Variants in SPTBN1 observed in about 807,000 individuals in gnomAD.
SPTBN1 encodes spectrin beta, non-erythrocytic 1, also known as spectrin beta chain, non-erythrocytic 1.
SPTBN1 carries 32 observed loss-of-function variants against 266.4 expected under a neutral mutation model. That is an observed-to-expected ratio of 0.12 (90% CI 0.09 to 0.16). The LOEUF (loss-of-function observed/expected upper bound fraction) is 0.16, where lower values mean the gene tolerates loss of function less well. Ranked by LOEUF, SPTBN1 falls within the 10% of genes least tolerant of loss-of-function variation. The probability of loss-of-function intolerance (pLI) is 1.00; values close to 1 mark genes in which losing one functional copy is unlikely to be tolerated. For synonymous variants in SPTBN1, 1,336 were observed against 1,162.2 expected, an observed-to-expected ratio of 1.15 and a Z score of -3.04; for missense variants, 2,296 against 3,067.1, an observed-to-expected ratio of 0.75 and a Z score of 5.94.
At chr2:54,492,423 G>C (rs1237916695) in intron 1 of SPTBN1, among the ~76,000 whole-genome samples, 1 of 135,972 alleles carries the variant, frequency 7.4e-6, no homozygotes, top group East Asian at 2.2e-4. Context: ...ATCTGAAGTT[G>C]CCTTTTCCCC....
chr2:54,656,976 T>C (rs1181712372), intron 29 of SPTBN1, among the ~76,000 whole-genome samples: 1 of 152,222 alleles, frequency 6.6e-6, no homozygotes, highest in Non-Finnish European at 1.5e-5. Flanking sequence ...TGTAGTCATG[T>C]TGGGGGCTAC....
intron 1 of SPTBN1, among the ~76,000 whole-genome samples, chr2:54,481,411 TG>T (rs1558763916): frequency 6.1e-5 from 8 of 131,632 alleles, no homozygotes; most frequent in South Asian, 2.3e-4. Flanking sequence ...TGTGTGTGTG[TG>T]TGTGTGTGTG....
At chr2:54,506,722 G>C (rs1379569880) in intron 1 of SPTBN1, among the ~76,000 whole-genome samples, 2 of 152,100 alleles carry the variant, frequency 1.3e-5, no homozygotes, top group East Asian at 3.8e-4. Flanking sequence ...TTTCAGGCAA[G>C]ATAGTCATTT....
chr2:54,509,377 A>G (rs965459770), intron 1 of SPTBN1, among the ~76,000 whole-genome samples: 1 of 152,210 alleles, frequency 6.6e-6, no homozygotes. Flanking sequence ...AGCAGAAAGT[A>G]TATGCATCAG....
intron 33 of SPTBN1, 127 bp from the exon 34 acceptor site, chr2:54,665,788 T>C (rs1681326551): frequency 1.8e-6 from 2 of 1,101,832 alleles, no homozygotes; most frequent in African/African-American, 3.2e-5. Flanking sequence ...ATAAGGAAGG[T>C]TGAGGGTTGG....
chr2:54,616,236 C>T lies in SPTBN1; in HGVS notation c.504C>T (p.Asp168=), dbSNP rs878991833. The T allele has an allele frequency of 1.1e-5, 18 of 1,613,924 alleles. No individual in the cohort carries two copies. Among genetic ancestry groups the T allele is most frequent in the Non-Finnish European group, 1.5e-5 (18 of 1,179,890 alleles). The change falls in exon 5 of 36, where the codon GAC becomes GAT. Residue 168 remains aspartate, a synonymous_variant. Transcript: ENST00000356805. ...QIQDISVETE[D]NKEKKSAKDA... ...AGGATATCAGTGTGGAAACTGAAGA[C>T]AACAAAGAGAAGAAATCTGCCAAGG...
At chr2:54,500,264 A>G (rs943229659) in intron 1 of SPTBN1, among the ~76,000 whole-genome samples, 5 of 152,252 alleles carry the variant, frequency 3.3e-5, no homozygotes, top group Non-Finnish European at 5.9e-5. Context: ...CTAAATCTCA[A>G]ATACAACAAA....
At chr2:54,594,520 G>T (rs1056699335) in intron 2 of SPTBN1, among the ~76,000 whole-genome samples, 3 of 152,188 alleles carry the variant, frequency 2.0e-5, no homozygotes, top group African/African-American at 4.8e-5. Context: ...TTTGGTTTCT[G>T]AGGGAGGTCC....
chr2:54,534,070 A>T (rs1170100899), intron 2 of SPTBN1, among the ~76,000 whole-genome samples: 1 of 152,194 alleles, frequency 6.6e-6, no homozygotes, highest in Admixed American at 6.5e-5. Flanking sequence ...GCAAAATTGA[A>T]GAGGCTAGGC....
intron 1 of SPTBN1, among the ~76,000 whole-genome samples, chr2:54,482,562 C>A (rs1249699387): frequency 6.6e-6 from 1 of 152,074 alleles, no homozygotes; most frequent in East Asian, 1.9e-4. Context: ...CCTGTGCTGT[C>A]CAGTAGGGAG....
Position 54,666,014 on chromosome 2 carries a change from C to T in SPTBN1, c.6759C>T (p.Val2253=), listed in dbSNP as rs199979880. ...CTGGAATTCCCTACCACAGCGAGGT[C>T]CCTGTGAGTTTGAAAGAAGCTGTCT... ...AASGIPYHSE[V]PVSLKEAVCE... is the part of the protein sequence containing the mutation. The change falls in exon 34 of 36, where the codon GTC becomes GTT. Residue 2253 remains valine (V), a synonymous_variant. Transcript: ENST00000356805. The T allele has an allele frequency of 1.2e-6, 2 of 1,614,050 alleles. No homozygotes were observed. The highest frequency in any genetic ancestry group is 2.2e-5 in the East Asian group (1 of 44,884).
intron 1 of SPTBN1, among the ~76,000 whole-genome samples, chr2:54,487,860 T>C (rs181047440): frequency 0.019 from 1,646 of 88,934 alleles, 42 homozygotes; most frequent in African/African-American, 0.079. Context: ...GACGGAGTCT[T>C]GCTCTGTCAC....
chr2:54,636,243 A>G (rs1160449627), intron 17 of SPTBN1, among the ~76,000 whole-genome samples: 1 of 152,126 alleles, frequency 6.6e-6, no homozygotes, highest in Non-Finnish European at 1.5e-5. Flanking sequence ...CCTTTTCCTG[A>G]TGCTATGGAA....
chr2:54,530,665 A>G (rs79448493), intron 2 of SPTBN1, among the ~76,000 whole-genome samples: 2 of 152,238 alleles, frequency 1.3e-5, no homozygotes, highest in East Asian at 3.9e-4. Context: ...CTTAAAAAAC[A>G]TTTTTAAAAT....
intron 29 of SPTBN1, among the ~76,000 whole-genome samples, chr2:54,657,443 G>A (rs995340993): frequency 1.3e-5 from 2 of 152,208 alleles, no homozygotes; most frequent in Admixed American, 6.5e-5. Context: ...GCTTTCCCAC[G>A]TGTGGCTCTT....
chr2:54,632,966 C>T (rs1441213745), intron 17 of SPTBN1, among the ~76,000 whole-genome samples, 198 bp downstream of exon 17: 1 of 152,156 alleles, frequency 6.6e-6, no homozygotes, highest in Non-Finnish European at 1.5e-5. Flanking sequence ...TCTGGTGAGA[C>T]ATGTACAAGT....
intron 2 of SPTBN1, chr2:54,529,915 G>A (rs1227365939): frequency 1.6e-5 from 6 of 372,790 alleles, no homozygotes; most frequent in Non-Finnish European, 3.0e-5. Flanking sequence ...GGTGTGGTAG[G>A]CTAACCACTT....
chr2:54,620,240 A>T (rs565799697), intron 7 of SPTBN1, among the ~76,000 whole-genome samples: 1 of 152,360 alleles, frequency 6.6e-6, no homozygotes, highest in African/African-American at 2.4e-5. Flanking sequence ...CATGCATAAA[A>T]AATCATAACC....
At chr2:54,506,123 C>CTAAATAAA (rs56815057) in intron 1 of SPTBN1, among the ~76,000 whole-genome samples, 1,585 of 145,532 alleles carry the variant, frequency 0.011, 22 homozygotes, top group Middle Eastern at 0.052. Flanking sequence ...GACTCCGTCT[C>CTAAATAAA]TAAATAAATA....
Sources: allele counts gnomAD v4.1 joint callset (sites outside exome capture counted in the v4.1 genomes callset), GRCh38; gene constraint gnomAD v4.1.1; transcripts MANE v1.5; gene names NCBI Gene and HGNC (gene_info 2026-07-23, HGNC 2026-07-21).